Variants in ANO6 observed in about 807,000 individuals in gnomAD.
ANO6 encodes anoctamin-6.
A neutral mutation model predicts 117.5 loss-of-function variants in ANO6; 106 were observed. That is an observed-to-expected ratio of 0.90 (90% CI 0.77 to 1.06). The LOEUF (loss-of-function observed/expected upper bound fraction) is 1.06, where lower values mean the gene tolerates loss of function less well. Among genes scored for constraint, ANO6 ranks in the 50% least tolerant of loss-of-function variants. The pLI is 0.00. For synonymous variants in ANO6, 367 were observed against 385.1 expected, an observed-to-expected ratio of 0.95 and a Z score of 0.55; for missense variants, 955 against 1,121.1, an observed-to-expected ratio of 0.85 and a Z score of 2.12.
At chr12:45,306,274 A>G (rs1198791764) in intron 2 of ANO6, among the ~76,000 whole-genome samples, 1 of 152,190 alleles carries the variant, frequency 6.6e-6, no homozygotes, top group Admixed American at 6.5e-5. Flanking sequence ...CTCTGATCTC[A>G]TGCCAACCGA....
chr12:45,428,647 T>C (rs1376361206), intron 19 of ANO6, among the ~76,000 whole-genome samples: 1 of 152,172 alleles, frequency 6.6e-6, no homozygotes, highest in African/African-American at 2.4e-5. Context: ...AGGAAGACTA[T>C]ATTTTGGGGG....
chr12:45,392,915 A>G (rs1446027134), intron 12 of ANO6, among the ~76,000 whole-genome samples: 1 of 152,264 alleles, frequency 6.6e-6, no homozygotes, highest in South Asian at 2.1e-4. Context: ...GCTGAAAATT[A>G]TAAAAATCAG....
At chr12:45,409,314 C>T (rs1232099016) in intron 15 of ANO6, 43 bp from the exon 16 acceptor site, 1 of 1,610,498 alleles carries the variant, frequency 6.2e-7, no homozygotes, top group Non-Finnish European at 8.5e-7. Flanking sequence ...TGACCTTGGC[C>T]TGATAATATT....
Position 45,421,151 on chromosome 12 carries a change from C to A in ANO6, c.2298C>A (p.Asp766Glu). 6.2e-7 allele frequency: 1 copy of A among 1,614,140 alleles called. No individual in the cohort carries two copies. The highest frequency in any genetic ancestry group is 1.1e-5 in the South Asian group (1 of 91,078). ...YWSFSVPPYG[D>E]HTSYTMEGYI... ...CCTTCTCCGTCCCTCCCTACGGGGA[C>A]CACACTTCCTACACCATGGAAGGGT... Residue 766 changes from aspartate to glutamate, a missense_variant, in exon 18 of 20, where the codon GAC (aspartate) becomes GAA (glutamate). Physicochemically the swap from Asp to Glu is conservative, Grantham distance 45. Transcript: ENST00000320560.
intron 1 of ANO6, among the ~76,000 whole-genome samples, chr12:45,234,634 C>T (rs955171246): frequency 2.6e-5 from 4 of 152,126 alleles, no homozygotes; most frequent in East Asian, 1.9e-4. Context: ...CATGATTTTT[C>T]GAGCCTGGTT....
At position 45,319,245 on chromosome 12, in the gene ANO6, T is replaced by G. The variant is rs563370667; in HGVS notation, c.151-12050T>G. On this transcript the variant is annotated intron_variant, in intron 2 of 19. Transcript: ENST00000320560. ...TTTGCCCATTCAGTATGATATTGGC[T>G]GTGGGTTTGTCATAAATAGCTCTTA... Among the ~76,000 whole-genome samples the G allele has an allele frequency of 2.0e-5, 3 of 152,322 alleles. No homozygotes were observed. In the South Asian group the frequency reaches 6.2e-4, roughly 32 times the overall value.
Position 45,429,548 on chromosome 12 carries a change from T to C in ANO6, c.*237T>C, listed in dbSNP as rs1310535846. 10 of 1,309,502 alleles carry C rather than the reference T, an allele frequency of 7.6e-6. No homozygotes were observed. The highest frequency in any genetic ancestry group is 7.8e-6 in the Non-Finnish European group (8 of 1,026,536). The allele number at this position is 1,309,502 out of a possible 1,614,324, so 81.1% of individuals were successfully genotyped here. On this transcript the variant is annotated 3_prime_UTR_variant, in exon 20 of 20. Coordinates refer to ENST00000320560, the MANE Select transcript of ANO6 (RefSeq NM_001025356.3). ...GGAAAACCTCAATGTTACCTTTTTC[T>C]GATAAATTGGAATTTTACAGAAAAA... is the stretch of plus-strand genomic sequence containing the variant.
At chr12:45,397,686 G>A (rs1447334267) in intron 12 of ANO6, among the ~76,000 whole-genome samples, 1 of 152,178 alleles carries the variant, frequency 6.6e-6, no homozygotes, top group Non-Finnish European at 1.5e-5. Context: ...TCTGTTGCAG[G>A]GACATGGATG....
At chr12:45,394,976 G>A (rs2137600666) in intron 12 of ANO6, among the ~76,000 whole-genome samples, 1 of 152,094 alleles carries the variant, frequency 6.6e-6, no homozygotes, top group African/African-American at 2.4e-5. Flanking sequence ...CTAGCAGAAG[G>A]CAAGAAATAA....
At chr12:45,258,284 A>G (rs1401145101) in intron 1 of ANO6, among the ~76,000 whole-genome samples, 2 of 152,226 alleles carry the variant, frequency 1.3e-5, no homozygotes, top group African/African-American at 4.8e-5. Context: ...AAAGTAGAAT[A>G]CAAACCACAG....
At chr12:45,246,660 A>G (rs545866776) in intron 1 of ANO6, among the ~76,000 whole-genome samples, 5 of 152,232 alleles carry the variant, frequency 3.3e-5, no homozygotes, top group African/African-American at 1.2e-4. Context: ...GAAAATGTTT[A>G]CAAGTAGACA....
intron 7 of ANO6, among the ~76,000 whole-genome samples, chr12:45,354,401 T>C (rs1555172386): frequency 6.6e-6 from 1 of 152,148 alleles, no homozygotes; most frequent in Non-Finnish European, 1.5e-5. Flanking sequence ...TGAGGAATTT[T>C]CACAGTTTAG....
chr12:45,356,231 G>A (rs1941407413), intron 7 of ANO6, among the ~76,000 whole-genome samples: 1 of 152,162 alleles, frequency 6.6e-6, no homozygotes, highest in East Asian at 1.9e-4. Context: ...AAGGAATACA[G>A]GGTGATGGAT....
intron 2 of ANO6, among the ~76,000 whole-genome samples, chr12:45,312,834 A>G (rs182704183): frequency 6.6e-6 from 1 of 152,180 alleles, no homozygotes; most frequent in East Asian, 1.9e-4. Context: ...GCAAACCAAT[A>G]ATATGGATCT....
chr12:45,282,398 G>A (rs562109245), intron 1 of ANO6, among the ~76,000 whole-genome samples: 6 of 152,288 alleles, frequency 3.9e-5, no homozygotes, highest in Admixed American at 3.3e-4. Context: ...AAGTCAAGGC[G>A]CAGTCAAGGA....
chr12:45,317,398 T>C (rs1940085497), intron 2 of ANO6, among the ~76,000 whole-genome samples: 1 of 150,886 alleles, frequency 6.6e-6, no homozygotes, highest in Admixed American at 6.6e-5. Flanking sequence ...TGCGATAGTT[T>C]GCTGAGAATG....
chr12:45,380,089 T>A (rs1456264974), intron 10 of ANO6, among the ~76,000 whole-genome samples: 1 of 152,182 alleles, frequency 6.6e-6, no homozygotes, highest in Non-Finnish European at 1.5e-5. Context: ...ATTTTTCTGC[T>A]CCCTAGAAAT....
rs1943619736 is a variant in ANO6 at position 45,431,049 on chromosome 12, T to TGTAA, written c.*1743_*1746dup. 2 of 985,306 alleles carry TGTAA rather than the reference T, an allele frequency of 2.0e-6. No individual in the cohort carries two copies. The highest frequency in any genetic ancestry group is 1.7e-5 in the African/African-American group (1 of 57,236). 61.0% of individuals were successfully genotyped at this position (985,306 alleles called of 1,614,324 possible). Reference sequence around the variant, plus strand: ...TTTCAAATGCCTGCCATGAATGATTTGTAAGTAATTATGTAGGATCCATCA... The same window carrying TGTAA: ...TTTCAAATGCCTGCCATGAATGATTTGTAAGTAAGTAATTATGTAGGATCCATCA... On this transcript the variant is annotated 3_prime_UTR_variant, in exon 20 of 20. Coordinates refer to ENST00000320560, the MANE Select transcript of ANO6 (RefSeq NM_001025356.3).
At chr12:45,333,227 G>A (rs1940726821) in intron 3 of ANO6, among the ~76,000 whole-genome samples, 1 of 151,802 alleles carries the variant, frequency 6.6e-6, no homozygotes, top group African/African-American at 2.4e-5. Flanking sequence ...CTTCCCATTT[G>A]GGATTTTCTT....
Sources: gnomAD v4.1 joint callset for allele counts (sites outside exome capture counted in the v4.1 genomes callset) on GRCh38, gnomAD v4.1.1 for gene constraint, MANE v1.5 for transcripts, NCBI Gene and HGNC (gene_info 2026-07-23, HGNC 2026-07-21) for gene names.